Variants in ALG11 observed in about 807,000 individuals in gnomAD.
ALG11 encodes the protein ALG11 alpha-1,2-mannosyltransferase.
Under a neutral mutation model 38.8 loss-of-function variants are expected in ALG11, and 26 were observed. The ratio of observed to expected loss-of-function variants is 0.67; its 90% CI spans 0.49 to 0.93. The LOEUF (loss-of-function observed/expected upper bound fraction) is 0.93, where lower values mean the gene tolerates loss of function less well. ALG11 is among the 40% of genes least tolerant of loss of function. The probability of loss-of-function intolerance (pLI) is 0.00; values close to 1 mark genes in which losing one functional copy is unlikely to be tolerated. For missense variants in ALG11, 535 were observed against 578.8 expected (o/e 0.92, Z 0.78); for synonymous variants, 199 against 211.6 (o/e 0.94, Z 0.52).
At chr13:52,026,707 T>G (rs1954244408) in intron 3 of ALG11, among the ~76,000 whole-genome samples, 1 of 152,148 alleles carries the variant, frequency 6.6e-6, no homozygotes, top group African/African-American at 2.4e-5. Flanking sequence ...CAAGAGCAAA[T>G]GCCATTAATG....
chr13:52,019,785 TATCTGGGCATGGTG>T (rs915977480), intron 2 of ALG11, among the ~76,000 whole-genome samples: 19 of 152,142 alleles, frequency 1.2e-4, no homozygotes, highest in African/African-American at 4.6e-4. Context: ...TACAAAAAAT[TATCTGGGCATGGTG>T]ATGCGCACCA....
Position 52,030,502 on chromosome 13 carries a change from G to T in ALG11, c.*1912G>T. On this transcript the variant is annotated 3_prime_UTR_variant, in exon 4 of 4. Coordinates refer to ENST00000521508, the MANE Select transcript of ALG11 (RefSeq NM_001004127.3). Reference sequence around the variant, plus strand: ...ACCTACAGAACTTCCTGACCACACAGTCTCCTTCCGTGAGGTCTTTGGCAG... The same window carrying T: ...ACCTACAGAACTTCCTGACCACACATTCTCCTTCCGTGAGGTCTTTGGCAG... 6.2e-7 allele frequency: 1 copy of T among 1,614,214 alleles called. No individual in the cohort carries two copies. The highest frequency in any genetic ancestry group is 8.5e-7 in the Non-Finnish European group (1 of 1,180,030).
chr13:52,012,472 C>G lies in ALG11; in HGVS notation c.44+10C>G, dbSNP rs751800577. 2.2e-5 allele frequency: 35 copies of G among 1,614,102 alleles called. No individual in the cohort carries two copies. The South Asian group carries it at 3.5e-4, about 16-fold the overall frequency. On this transcript the variant is annotated intron_variant, in intron 1 of 3. Transcript: ENST00000521508. The stretch of plus-strand genomic sequence containing the variant: ...TGTGCAAGTTGTTGAGGTGAGCAGC[C>G]GGTCGTGTGGGCTCACAGACGTTTT...
chr13:52,029,078 C>T lies in ALG11; in HGVS notation c.*488C>T, dbSNP rs769181279. ...GCTGGGCCTTGCAGATCTGCTTGAG[C>T]CCGTTAAAACTTCATCTTCTTTGGC... On this transcript the variant is annotated 3_prime_UTR_variant, in exon 4 of 4. Coordinates refer to ENST00000521508, the MANE Select transcript of ALG11 (RefSeq NM_001004127.3). 1 of 1,614,218 alleles carries T rather than the reference C, an allele frequency of 6.2e-7. No homozygotes were observed. The highest frequency in any genetic ancestry group is 1.1e-5 in the South Asian group (1 of 91,084).
chr13:52,030,534 C>A lies in ALG11; in HGVS notation c.*1944C>A. On this transcript the variant is annotated 3_prime_UTR_variant, in exon 4 of 4. Coordinates refer to ENST00000521508, the MANE Select transcript of ALG11 (RefSeq NM_001004127.3). ...TCCGTGAGGTCTTTGGCAGTTCCCACAATAATAGAGGAGCTGGAAGATGAA... is the reference window on the plus strand; with the variant it reads ...TCCGTGAGGTCTTTGGCAGTTCCCAAAATAATAGAGGAGCTGGAAGATGAA... The A allele has an allele frequency of 1.2e-6, 2 of 1,614,080 alleles. No homozygotes were observed. Among genetic ancestry groups the A allele is most frequent in the Non-Finnish European group, 1.7e-6 (2 of 1,180,018 alleles).
chr13:52,029,280 C>A lies in ALG11; in HGVS notation c.*690C>A. 1 of 1,614,148 alleles carries A rather than the reference C, an allele frequency of 6.2e-7. No individual in the cohort carries two copies. Among genetic ancestry groups the A allele is most frequent in the Non-Finnish European group, 8.5e-7 (1 of 1,180,036 alleles). On this transcript the variant is annotated 3_prime_UTR_variant, in exon 4 of 4. Transcript: ENST00000521508. ...CAGCAGGCAGAGCAGCTGGTTTTTC[C>A]CCTGGGGAAGGAGCAGCCAGCCATT...
chr13:52,020,711 T>A (rs1325456784), intron 2 of ALG11: 1 of 152,230 alleles, frequency 6.6e-6, no homozygotes, highest in Non-Finnish European at 1.5e-5. Flanking sequence ...TGGAAGATAC[T>A]TTTTCATCTT....
chr13:52,028,188 A>G, intron 3 of ALG11, 131 bp from the exon 4 acceptor site: 1 of 1,063,666 alleles, frequency 9.4e-7, no homozygotes. Flanking sequence ...TGAATAAGCA[A>G]ATGTCTAGAC....
intron 3 of ALG11, among the ~76,000 whole-genome samples, chr13:52,028,045 T>C (rs1308006249): frequency 1.3e-5 from 2 of 152,004 alleles, no homozygotes; most frequent in South Asian, 2.1e-4. Flanking sequence ...GACCACTTGA[T>C]GCTAGGAGTT....
In ALG11 at chr13:52,029,039, G is replaced by T; in HGVS notation, c.*449G>T. 1 of 1,614,250 alleles carries T rather than the reference G, an allele frequency of 6.2e-7. No individual in the cohort carries two copies. Among genetic ancestry groups the T allele is most frequent in the Non-Finnish European group, 8.5e-7 (1 of 1,180,044 alleles). On this transcript the variant is annotated 3_prime_UTR_variant, in exon 4 of 4. Transcript: ENST00000521508. Reference sequence around the variant, plus strand: ...GTCAGAGTTCAGTGTCAGTTCTGAAGGATCAGGAGAAAAGCTGGGCCTTGC... The same window carrying T: ...GTCAGAGTTCAGTGTCAGTTCTGAATGATCAGGAGAAAAGCTGGGCCTTGC...
chr13:52,030,967 C>A lies in ALG11; in HGVS notation c.*2377C>A. 2 of 1,614,188 alleles carry A rather than the reference C, an allele frequency of 1.2e-6. No individual in the cohort carries two copies. The highest frequency in any genetic ancestry group is 1.7e-6 in the Non-Finnish European group (2 of 1,180,036). On this transcript the variant is annotated 3_prime_UTR_variant, in exon 4 of 4. Coordinates refer to ENST00000521508, the MANE Select transcript of ALG11 (RefSeq NM_001004127.3). ...AAAAGCTGACTACTCCCAAGGTCGT[C>A]ACCAAGCCAGGCCATATCATTAAGC... is the stretch of plus-strand genomic sequence containing the variant.
chr13:52,024,791 T>C lies in ALG11; in HGVS notation c.1061T>C (p.Val354Ala), dbSNP rs749444174. The C allele has an allele frequency of 1.2e-6, 2 of 1,614,188 alleles. No individual in the cohort carries two copies. Reference sequence around the variant, plus strand: ...CGTAACAAAGATGATGAACTTAGGGTAAACCAACTGAGAAGGCTGTCTGAG... The same window carrying C: ...CGTAACAAAGATGATGAACTTAGGGCAAACCAACTGAGAAGGCTGTCTGAG... ...GCRNKDDELRVNQLRRLSEDL... is the reference protein window; with the variant it reads ...GCRNKDDELRANQLRRLSEDL... Residue 354 changes from valine to alanine, a missense_variant, in exon 3 of 4, where the codon GTA becomes GCA. Val to Ala is a moderately conservative substitution (Grantham distance 64). Coordinates refer to ENST00000521508, the MANE Select transcript of ALG11 (RefSeq NM_001004127.3).
In ALG11 at chr13:52,028,818, A is replaced by G. The variant is rs1370962592; in HGVS notation, c.*228A>G. On this transcript the variant is annotated 3_prime_UTR_variant, in exon 4 of 4. Coordinates refer to ENST00000521508, the MANE Select transcript of ALG11 (RefSeq NM_001004127.3). The stretch of plus-strand genomic sequence containing the variant: ...CTGGCTGCTGAGATGAATGTGAACC[A>G]GGTTGCAGAGAATCTGGCTTTGAGC... The G allele has an allele frequency of 6.2e-7, 1 of 1,614,258 alleles. No individual in the cohort carries two copies. Among genetic ancestry groups the G allele is most frequent in the South Asian group, 1.1e-5 (1 of 91,092 alleles).
chr13:52,024,124 T>C lies in ALG11; in HGVS notation c.394T>C (p.Phe132Leu). The C allele has an allele frequency of 6.2e-7, 1 of 1,614,088 alleles. No homozygotes were observed. Among genetic ancestry groups the C allele is most frequent in the South Asian group, 1.1e-5 (1 of 91,082 alleles). The change falls in exon 3 of 4, where the codon TTT becomes CTT. Residue 132 changes from phenylalanine (F) to leucine (L), a missense_variant. Physicochemically the swap from Phe to Leu is conservative, Grantham distance 22. Transcript: ENST00000521508. ...ATTAATTCACCCAGTGCAGTTTGTT[T>C]TTTTAAGGAAACGCTATCTTGTGGA... ...IRLIHPVQFVFLRKRYLVEDS... is the reference protein window; with the variant it reads ...IRLIHPVQFVLLRKRYLVEDS...
rs41292790 is a variant in ALG11 at position 52,024,999 on chromosome 13, A to G, written c.1207+62A>G. The G allele has an allele frequency of 0.12, 174,461 of 1,501,530 alleles. 10,658 individuals are homozygous for G. The highest frequency in any genetic ancestry group is 0.16 in the Middle Eastern group (916 of 5,848). The allele number at this position is 1,501,530 out of a possible 1,614,324, so 93.0% of individuals were successfully genotyped here. A position where few individuals can be genotyped will look rare whatever the true frequency, so the allele number is the denominator to read the frequency against. On this transcript the variant is annotated intron_variant, in intron 3 of 3. Coordinates refer to ENST00000521508, the MANE Select transcript of ALG11 (RefSeq NM_001004127.3). The stretch of plus-strand genomic sequence containing the variant: ...GAGATACACATTTTAAGTTCTTTTG[A>G]TAAAATGATAATACTCTGGAAATCT...
chr13:52,014,247 C>T (rs1056571232), intron 1 of ALG11, among the ~76,000 whole-genome samples: 2 of 152,084 alleles, frequency 1.3e-5, no homozygotes, highest in Non-Finnish European at 2.9e-5. Context: ...CACGTTAAGC[C>T]AGACATTAAA....
At chr13:52,020,082 A>G (rs1395199966) in intron 2 of ALG11, among the ~76,000 whole-genome samples, 1 of 152,232 alleles carries the variant, frequency 6.6e-6, no homozygotes, top group African/African-American at 2.4e-5. Flanking sequence ...ATGTCAGAGC[A>G]CTTTAAGCCT....
Position 52,029,845 on chromosome 13 carries a change from A to G in ALG11, c.*1255A>G. 6.2e-7 allele frequency: 1 copy of G among 1,614,206 alleles called. No individual in the cohort carries two copies. On this transcript the variant is annotated 3_prime_UTR_variant, in exon 4 of 4. Coordinates refer to ENST00000521508, the MANE Select transcript of ALG11 (RefSeq NM_001004127.3). ...CCTCTGAGAGTGAGGAAGAGGAGGG[A>G]GGCACAGAAGTGGAAGAACTCCTTG...
At chr13:52,027,250 C>T (rs367553610) in intron 3 of ALG11, among the ~76,000 whole-genome samples, 7 of 151,802 alleles carry the variant, frequency 4.6e-5, no homozygotes, top group Admixed American at 1.3e-4. Flanking sequence ...CTGTGAAGTA[C>T]GGGGAGGGGG....
Sources: allele counts gnomAD v4.1 joint callset (sites outside exome capture counted in the v4.1 genomes callset), GRCh38; gene constraint gnomAD v4.1.1; transcripts MANE v1.5; gene names NCBI Gene and HGNC (gene_info 2026-07-23, HGNC 2026-07-21).